PRDM14: variants seen among roughly 807,000 people sequenced by gnomAD.
PRDM14 encodes the protein PR domain zinc finger protein 14.
Under a neutral mutation model 48.0 loss-of-function variants are expected in PRDM14, and 16 were observed. That is an observed-to-expected ratio of 0.33 (90% CI 0.23 to 0.51). The LOEUF is 0.51. PRDM14 is among the 20% of genes least tolerant of loss of function. PRDM14 has a pLI of 0.97. For missense variants in PRDM14, 566 were observed against 719.6 expected (o/e 0.79, Z 2.44); for synonymous variants, 264 against 276.6 (o/e 0.95, Z 0.45).
chr8:70,055,625 C>T (rs775831356), intron 6 of PRDM14, among the ~76,000 whole-genome samples: 1 of 151,990 alleles, frequency 6.6e-6, no homozygotes, highest in Non-Finnish European at 1.5e-5. Context: ...CCCACCTCAG[C>T]CTCCTGAGTA....
chr8:70,055,713 T>C lies in PRDM14; in HGVS notation c.1387-312A>G, dbSNP rs144219474. On this transcript the variant is annotated intron_variant, in intron 6 of 7. Transcript: ENST00000276594. Reference sequence around the variant, plus strand: ...TTGTAGAGATGAGGTCTCACTATGTTGCCCAGCCTTGTCTTGAACTCCAAC... The same window carrying C: ...TTGTAGAGATGAGGTCTCACTATGTCGCCCAGCCTTGTCTTGAACTCCAAC... 3.3e-5 allele frequency among the ~76,000 whole-genome samples: 5 copies of C among 152,228 alleles called. No homozygotes were observed. In the East Asian group the frequency reaches 7.7e-4, roughly 23 times the overall value.
intron 1 of PRDM14, among the ~76,000 whole-genome samples, chr8:70,070,578 A>G (rs949858888): frequency 1.3e-5 from 2 of 152,158 alleles, no homozygotes; most frequent in African/African-American, 4.8e-5. Context: ...TGGCTGCCCT[A>G]GGATGCGCCG....
In PRDM14 at chr8:70,069,173, G is replaced by T. The variant is rs958196847; in HGVS notation, c.688C>A (p.Pro230Thr). 1.3e-6 allele frequency: 2 copies of T among 1,513,150 alleles called. No individual in the cohort carries two copies. Among genetic ancestry groups the T allele is most frequent in the Non-Finnish European group, 1.8e-6 (2 of 1,131,302 alleles). 93.7% of individuals were successfully genotyped at this position (1,513,150 alleles called of 1,614,324 possible). A position where few individuals can be genotyped will look rare whatever the true frequency, so the allele number is the denominator to read the frequency against. Residue 230 changes from proline (P) to threonine (T), a missense_variant, in exon 2 of 8, where the codon CCA becomes ACA. Physicochemically the swap from Pro to Thr is conservative, Grantham distance 38 (BLOSUM62 -1). Transcript: ENST00000276594. ...HHAISGLLVP[P>T]DSSGSDSLPQ... Reference sequence around the variant, plus strand: ...GAACTCCCTTTACCAGAGCTGTCTGGGGGGACCAGGAGGCCTGAAATCGCA... The same window carrying T: ...GAACTCCCTTTACCAGAGCTGTCTGTGGGGACCAGGAGGCCTGAAATCGCA...
Position 70,071,249 on chromosome 8 carries a change from G to A in PRDM14, c.-124C>T, listed in dbSNP as rs3750230. The A allele has an allele frequency of 0.12, 18,921 of 152,274 alleles. 1,650 individuals carry two copies. The highest frequency in any genetic ancestry group is 0.37 in the East Asian group (1,901 of 5,134). 9.4% of individuals were successfully genotyped at this position (152,274 alleles called of 1,614,324 possible). On this transcript the variant is annotated 5_prime_UTR_variant, in exon 1 of 8. Transcript: ENST00000276594. The surrounding 1 kb of genome is among the most constrained non-coding windows in gnomAD (Gnocchi z 5.2). ...AGGCCACTCGGGCTCGGTAGACTTC[G>A]GGCGGGCCCTGAGGGCTGAGCCAGG...
At position 70,069,745 on chromosome 8, in the gene PRDM14, T is replaced by C; in HGVS notation, c.116A>G (p.Tyr39Cys). 1 of 1,604,530 alleles carries C rather than the reference T, an allele frequency of 6.2e-7. No homozygotes were observed. Among genetic ancestry groups the C allele is most frequent in the Non-Finnish European group, 8.5e-7 (1 of 1,175,916 alleles). Reference sequence around the variant, plus strand: ...CTCCACGGTGGCCAGGCTGTTTCTGTAGTGTCCATAGGACGGGAAAGGCGT... The same window carrying C: ...CTCCACGGTGGCCAGGCTGTTTCTGCAGTGTCCATAGGACGGGAAAGGCGT... ...YYTPFPSYGH[Y>C]RNSLATVEED... is the part of the protein sequence containing the mutation. The change falls in exon 2 of 8, where the codon TAC becomes TGC. Residue 39 changes from tyrosine (Y) to cysteine (C), a missense_variant. Tyr to Cys is a radical substitution (Grantham distance 194). Around this residue, in one of 3 missense-constraint regions of PRDM14, gnomAD observed 410 missense variants for 424.6 expected, o/e 0.97. Transcript: ENST00000276594.
intron 4 of PRDM14, among the ~76,000 whole-genome samples, chr8:70,067,831 T>C (rs960402742): frequency 6.6e-6 from 1 of 152,216 alleles, no homozygotes; most frequent in Non-Finnish European, 1.5e-5. Flanking sequence ...TATTTTTTTT[T>C]TAATCCTTGA....
intron 4 of PRDM14, among the ~76,000 whole-genome samples, chr8:70,067,575 G>A (rs1805692233): frequency 6.6e-6 from 1 of 150,602 alleles, no homozygotes; most frequent in South Asian, 2.1e-4. Flanking sequence ...CTCTGCTGCT[G>A]GCAATTTCGC....
intron 1 of PRDM14, among the ~76,000 whole-genome samples, chr8:70,070,868 A>C (rs935716254): frequency 5.3e-5 from 8 of 152,164 alleles, no homozygotes; most frequent in Admixed American, 3.9e-4. Context: ...AATGAGCCCA[A>C]TAAGAAAACC....
At chr8:70,064,155 C>T (rs1313944176) in intron 5 of PRDM14, among the ~76,000 whole-genome samples, 1 of 151,990 alleles carries the variant, frequency 6.6e-6, no homozygotes, top group South Asian at 2.1e-4. Context: ...AGATAGTTCA[C>T]CAAAACAATC....
At chr8:70,053,544 A>G (rs1034659680) in intron 7 of PRDM14, among the ~76,000 whole-genome samples, 1 of 152,032 alleles carries the variant, frequency 6.6e-6, no homozygotes, top group African/African-American at 2.4e-5. Context: ...GTGCACTATG[A>G]TGCCCAGCTA....
At chr8:70,061,730 C>A (rs1805584565) in intron 5 of PRDM14, among the ~76,000 whole-genome samples, 1 of 152,184 alleles carries the variant, frequency 6.6e-6, no homozygotes, top group African/African-American at 2.4e-5. Flanking sequence ...TTAAGAACAA[C>A]CACTTAGGTA....
At chr8:70,065,813 T>C (rs1235247449) in intron 5 of PRDM14, among the ~76,000 whole-genome samples, 1 of 151,908 alleles carries the variant, frequency 6.6e-6, no homozygotes, top group African/African-American at 2.4e-5. Flanking sequence ...ACCACTAAAT[T>C]GATTTCCCAC....
In PRDM14 at chr8:70,066,226, T is replaced by G; in HGVS notation, c.1183+9A>C. 1.2e-6 allele frequency: 2 copies of G among 1,612,348 alleles called. No homozygotes were observed. Among genetic ancestry groups the G allele is most frequent in the Non-Finnish European group, 8.5e-7 (1 of 1,179,720 alleles). On this transcript the variant is annotated intron_variant, in intron 5 of 7. Transcript: ENST00000276594. ...GCCCTCATTGGGCAAGGCGAGGGTG[T>G]GCACTCACCTTCAGAGGGCCCAGAT...
chr8:70,058,519 G>C, intron 6 of PRDM14, 121 bp downstream of exon 6: 2 of 785,394 alleles, frequency 2.5e-6, no homozygotes, highest in South Asian at 1.6e-5. Context: ...CTCCTTCAGA[G>C]AGGGTGTCCG....
chr8:70,070,247 C>T (rs1481403431), intron 1 of PRDM14, among the ~76,000 whole-genome samples: 1 of 152,162 alleles, frequency 6.6e-6, no homozygotes, highest in Non-Finnish European at 1.5e-5. Flanking sequence ...CATTGAAGTT[C>T]CCTTTCCTTC....
intron 6 of PRDM14, among the ~76,000 whole-genome samples, chr8:70,056,257 A>G (rs1805470554): frequency 6.6e-6 from 1 of 152,242 alleles, no homozygotes; most frequent in African/African-American, 2.4e-5. Flanking sequence ...CTGTCTCAGG[A>G]ATTCTACACC....
At position 70,058,854 on chromosome 8, in the gene PRDM14, A is replaced by G. The variant is rs764885707; in HGVS notation, c.1184-12T>C. Reference sequence around the variant, plus strand: ...GCCTTCTGCAGACTCTGTCAAACACAGCAAACACAATGTCTCTTCAGTTAC... The same window carrying G: ...GCCTTCTGCAGACTCTGTCAAACACGGCAAACACAATGTCTCTTCAGTTAC... On this transcript the variant is annotated splice_polypyrimidine_tract_variant and intron_variant, in intron 5 of 7. Coordinates refer to ENST00000276594, the MANE Select transcript of PRDM14 (RefSeq NM_024504.4). The G allele has an allele frequency of 1.8e-5, 29 of 1,605,246 alleles. No individual in the cohort carries two copies. The South Asian group carries it at 2.8e-4, about 15-fold the overall frequency.
Position 70,051,770 on chromosome 8 carries a change from T to TGTTTTG in PRDM14, c.*306_*307insCAAAAC, listed in dbSNP as rs1563436724. On this transcript the variant is annotated 3_prime_UTR_variant, in exon 8 of 8. Transcript: ENST00000276594. ...CCACACTCTTGAGGGCTACTCATTT[T>TGTTTTG]TTTTGTTTTGTTTTGTTTTGAGACA... 1.6e-5 allele frequency: 4 copies of TGTTTTG among 247,490 alleles called. No homozygotes were observed. The highest frequency in any genetic ancestry group is 1.6e-5 in the Non-Finnish European group (2 of 127,700). 15.3% of individuals were successfully genotyped at this position (247,490 alleles called of 1,614,324 possible).
In PRDM14 at chr8:70,055,884, C is replaced by T. The variant is rs560182324; in HGVS notation, c.1387-483G>A. Among the ~76,000 whole-genome samples the T allele has an allele frequency of 1.5e-4, 22 of 151,718 alleles. No homozygotes were observed. The South Asian group carries it at 1.7e-3, about 11-fold the overall frequency. ...GGCAGAGGCCTGAATTAGTCCTGCT[C>T]TCTCAACAGGTAGCTGTGTGACTAC... On this transcript the variant is annotated intron_variant, in intron 6 of 7. Transcript: ENST00000276594.
Sources: gnomAD v4.1 joint callset for allele counts (sites outside exome capture counted in the v4.1 genomes callset) on GRCh38, gnomAD v4.1.1 for gene constraint, gnomAD v4.1.1 regional missense constraint, Gnocchi (gnomAD v3.1) non-coding constraint, MANE v1.5 for transcripts, NCBI Gene and HGNC (gene_info 2026-07-23, HGNC 2026-07-21) for gene names.